C9orf85: variants seen among roughly 807,000 people sequenced by gnomAD.
C9orf85 encodes chromosome 9 open reading frame 85.
C9orf85 carries 16 observed loss-of-function variants against 14.9 expected under a neutral mutation model. That is an observed-to-expected ratio of 1.08 (90% confidence interval 0.73 to 1.63). The LOEUF is 1.63. Among genes scored for constraint, C9orf85 ranks in the 40% most tolerant of loss-of-function variants. The probability of loss-of-function intolerance (pLI) is 0.00; values close to 1 mark genes in which losing one functional copy is unlikely to be tolerated. For synonymous variants in C9orf85, 45 were observed against 56.8 expected (o/e 0.79, Z 0.93); for missense variants, 172 against 186.1 (o/e 0.92, Z 0.44).
intron 1 of C9orf85, among the ~76,000 whole-genome samples, chr9:71,918,176 A>T (rs917402738): frequency 6.6e-6 from 1 of 152,036 alleles, no homozygotes; most frequent in Non-Finnish European, 1.5e-5. Flanking sequence ...GGGAGGGAAA[A>T]AAAATAGGTA....
At chr9:71,927,246 C>A (rs1827952142) in intron 1 of C9orf85, among the ~76,000 whole-genome samples, 2 of 133,128 alleles carry the variant, frequency 1.5e-5, no homozygotes. Flanking sequence ...GGCAAAAAAT[C>A]ATCCAGGCTG....
chr9:71,939,800 G>A (rs1828286053), intron 1 of C9orf85, among the ~76,000 whole-genome samples: 1 of 152,126 alleles, frequency 6.6e-6, no homozygotes, highest in Non-Finnish European at 1.5e-5. Context: ...TCCAGAAATA[G>A]ACCTTACACA....
intron 1 of C9orf85, among the ~76,000 whole-genome samples, chr9:71,929,990 C>T (rs1178107883): frequency 3.3e-5 from 5 of 150,778 alleles, no homozygotes; most frequent in African/African-American, 7.3e-5. Flanking sequence ...TATACCTACT[C>T]GTAGCCACAA....
At chr9:71,936,385 A>G (rs1338768488) in intron 1 of C9orf85, among the ~76,000 whole-genome samples, 1 of 152,164 alleles carries the variant, frequency 6.6e-6, no homozygotes, top group African/African-American at 2.4e-5. Flanking sequence ...TGACTAAAAG[A>G]AGGAGATGTA....
chr9:71,953,333 A>T (rs924688362), intron 2 of C9orf85, among the ~76,000 whole-genome samples: 2 of 152,200 alleles, frequency 1.3e-5, no homozygotes, highest in African/African-American at 4.8e-5. Context: ...TCCCATGAAT[A>T]CAACAGGCTA....
intron 1 of C9orf85, among the ~76,000 whole-genome samples, chr9:71,915,166 C>T (rs925920796): frequency 1.6e-5 from 2 of 128,014 alleles, no homozygotes; most frequent in African/African-American, 5.7e-5. Flanking sequence ...GAGATCATTA[C>T]AAAAATTATT....
chr9:71,952,585 CACCTCGTG>C (rs766672382), intron 2 of C9orf85, among the ~76,000 whole-genome samples: 4 of 152,116 alleles, frequency 2.6e-5, no homozygotes, highest in Non-Finnish European at 5.9e-5. Flanking sequence ...CCAGGATGGT[CACCTCGTG>C]ACCTCGTGAT....
chr9:71,976,728 A>AT (rs5898244), downstream of C9orf85, among the ~76,000 whole-genome samples: 116,688 of 146,052 alleles, frequency 0.8, 47,356 homozygotes, highest in East Asian at 0.92. Flanking sequence ...ATAGCCCAGG[A>AT]TTTTTTTTTT....
chr9:71,939,984 G>T (rs1828289436), intron 1 of C9orf85, among the ~76,000 whole-genome samples: 1 of 152,024 alleles, frequency 6.6e-6, no homozygotes, highest in Non-Finnish European at 1.5e-5. Context: ...ACTTGCAGAA[G>T]AAAACAGATT....
chr9:71,982,721 C>T (rs111817606), exon 4 of C9orf85: 7,267 of 365,418 alleles, frequency 0.02, 556 homozygotes, highest in African/African-American at 0.15. Flanking sequence ...CCACAACCTC[C>T]GCCTCCCTTG....
At chr9:71,928,787 T>C (rs1388436125) in intron 1 of C9orf85, among the ~76,000 whole-genome samples, 1 of 152,206 alleles carries the variant, frequency 6.6e-6, no homozygotes, top group Non-Finnish European at 1.5e-5. Flanking sequence ...AGCAAAAGTA[T>C]GGAAATAAAA....
intron 1 of C9orf85, among the ~76,000 whole-genome samples, chr9:71,920,549 G>T (rs1229700176): frequency 6.6e-6 from 1 of 152,106 alleles, no homozygotes; most frequent in Non-Finnish European, 1.5e-5. Flanking sequence ...AAAACCTTGG[G>T]GTTGAGAGTT....
At chr9:71,973,458 G>A (rs1055103273), downstream of C9orf85, 6 of 152,118 alleles carry the variant, frequency 3.9e-5, no homozygotes, top group African/African-American at 1.2e-4. Context: ...CATAGCAAAA[G>A]CCCTGTCGCT....
chr9:71,911,824 TGTGCAGACCAAGGTAGGA>T lies in C9orf85; in HGVS notation c.91_102+6del, dbSNP rs1827499873. The stretch of plus-strand genomic sequence containing the variant: ...TCAAAAATGACAAGTTCGATAAAAG[TGTGCAGACCAAGGTAGGA>T]ACCTGCCTGTTGCACCGTCTTTGAC... On this transcript the variant is annotated splice_donor_variant and splice_donor_5th_base_variant and coding_sequence_variant and intron_variant, in exon 1 of 4. Transcript: ENST00000334731. LOFTEE classifies it high-confidence loss of function. 1 of 1,613,928 alleles carries T rather than the reference TGTGCAGACCAAGGTAGGA, an allele frequency of 6.2e-7. No homozygotes were observed. Among genetic ancestry groups the T allele is most frequent in the African/African-American group, 1.3e-5 (1 of 74,910 alleles).
downstream of C9orf85, among the ~76,000 whole-genome samples, chr9:71,973,850 G>A (rs1437614356): frequency 3.5e-5 from 2 of 57,626 alleles, no homozygotes; most frequent in African/African-American, 1.0e-4. Context: ...AGCTTGGTCT[G>A]GGTTTTGTTG....
At chr9:71,957,446 ATTAC>A (rs894071184) in intron 2 of C9orf85, among the ~76,000 whole-genome samples, 115 of 152,308 alleles carry the variant, frequency 7.6e-4, no homozygotes, top group African/African-American at 2.6e-3. Flanking sequence ...TGAAAAACTG[ATTAC>A]TTACTGCTGC....
At chr9:71,930,244 A>G (rs918371174) in intron 1 of C9orf85, among the ~76,000 whole-genome samples, 3 of 152,160 alleles carry the variant, frequency 2.0e-5, no homozygotes, top group African/African-American at 7.2e-5. Flanking sequence ...AGACTTGAGT[A>G]AGCAGAAGAA....
At chr9:71,915,183 A>ATT (rs33998724) in intron 1 of C9orf85, among the ~76,000 whole-genome samples, 7 of 142,746 alleles carry the variant, frequency 4.9e-5, no homozygotes, top group South Asian at 2.2e-4. Flanking sequence ...TATTATTATT[A>ATT]TTTTTTTTTT....
At chr9:71,928,186 C>CAAAAA (rs58238164) in intron 1 of C9orf85, among the ~76,000 whole-genome samples, 17 of 74,276 alleles carry the variant, frequency 2.3e-4, no homozygotes, top group African/African-American at 9.5e-4. Flanking sequence ...GGCTCTGTCT[C>CAAAAA]AAAAAAAAAA....
Sources: allele counts gnomAD v4.1 joint callset (sites outside exome capture counted in the v4.1 genomes callset), GRCh38; gene constraint gnomAD v4.1.1; transcripts MANE v1.5; gene names NCBI Gene and HGNC (gene_info 2026-07-23, HGNC 2026-07-21).